Variants in SMIM27 observed in about 807,000 individuals in gnomAD.
SMIM27 encodes transition zone microprotein 1.
A neutral mutation model predicts 1.8 loss-of-function variants in SMIM27; 3 were observed. The observed-to-expected ratio is 1.65, with a 90% CI of 0.75 to 4.28. The LOEUF (loss-of-function observed/expected upper bound fraction) is 4.28. Ranked by LOEUF, SMIM27 falls within the 30% of genes most tolerant of loss-of-function variation. The pLI is 0.02. For synonymous variants in SMIM27, 19 were observed against 13.9 expected (o/e 1.37, Z -0.82); for missense variants, 63 against 37.0 (o/e 1.70, Z -1.83).
upstream of SMIM27, chr9:32,552,118 T>C: frequency 3.5e-6 from 2 of 565,156 alleles, no homozygotes; most frequent in South Asian, 4.2e-5. Flanking sequence ...CCTGCATTAA[T>C]ATTGCATTGC....
intron 1 of SMIM27, among the ~76,000 whole-genome samples, chr9:32,559,552 C>T (rs976599766): frequency 5.9e-5 from 9 of 152,264 alleles, no homozygotes; most frequent in African/African-American, 2.2e-4. Flanking sequence ...TCCTAGGAGT[C>T]CAATTCAGTC....
chr9:32,552,190 AAAGC>A (rs1160012946), upstream of SMIM27: 1 of 601,892 alleles, frequency 1.7e-6, no homozygotes, highest in Non-Finnish European at 3.0e-6. Flanking sequence ...AAAAAAAAAA[AAAGC>A]AATTTTTAAC....
chr9:32,551,909 T>C (rs1821276908), upstream of SMIM27: 2 of 351,780 alleles, frequency 5.7e-6, no homozygotes, highest in African/African-American at 2.1e-5. Flanking sequence ...TTGTCACATA[T>C]AAAAGAGTGG....
rs1821694758 is a variant in SMIM27 at position 32,563,668 on chromosome 9, C to T, written c.46-2723C>T. On this transcript the variant is annotated intron_variant, in intron 1 of 1. Transcript: ENST00000451672. ...TGTTCCTTAGCTGAATTAAATATTA[C>T]TATGATGATTCTCAAATGGTAATTT... 2.0e-5 allele frequency among the ~76,000 whole-genome samples: 3 copies of T among 152,082 alleles called. No homozygotes were observed. In the South Asian group the frequency reaches 6.2e-4, roughly 31 times the overall value.
chr9:32,551,164 A>G, upstream of SMIM27: 1 of 670,834 alleles, frequency 1.5e-6, no homozygotes, highest in African/African-American at 1.8e-5. Flanking sequence ...CAGACCCCGG[A>G]GGAGGGCAGC....
intron 1 of SMIM27, among the ~76,000 whole-genome samples, chr9:32,558,307 T>C (rs1028660390): frequency 1.3e-5 from 2 of 152,072 alleles, no homozygotes; most frequent in Non-Finnish European, 2.9e-5. Context: ...GAGACGGGGT[T>C]TCACCGTGTT....
At chr9:32,553,338 G>T, downstream of SMIM27, 1 of 168,010 alleles carries the variant, frequency 6.0e-6, no homozygotes, top group Non-Finnish European at 1.3e-5. Flanking sequence ...ACAGGAGCCC[G>T]CCACCACGCC....
chr9:32,560,943 C>A (rs1324649247), intron 1 of SMIM27, among the ~76,000 whole-genome samples: 1 of 152,154 alleles, frequency 6.6e-6, no homozygotes, highest in Non-Finnish European at 1.5e-5. Context: ...GTTCTTTCTG[C>A]ACATAAAAAT....
At chr9:32,555,571 CA>C (rs1233877850), downstream of SMIM27, among the ~76,000 whole-genome samples, 1 of 152,192 alleles carries the variant, frequency 6.6e-6, no homozygotes, top group African/African-American at 2.4e-5. Flanking sequence ...AGATGTCTAC[CA>C]AATATTTTTC....
At chr9:32,559,428 C>CAG (rs1356262770) in intron 1 of SMIM27, among the ~76,000 whole-genome samples, 2 of 152,216 alleles carry the variant, frequency 1.3e-5, no homozygotes, top group African/African-American at 4.8e-5. Context: ...CACTTCAAGG[C>CAG]AGAGTACACT....
chr9:32,553,843 G>C (rs770900307), downstream of SMIM27: 3 of 1,384,328 alleles, frequency 2.2e-6, no homozygotes, highest in Non-Finnish European at 3.1e-6. Flanking sequence ...AACAAACTTA[G>C]GCTCATAAGC....
At chr9:32,562,100 T>C (rs1380825244) in intron 1 of SMIM27, among the ~76,000 whole-genome samples, 2 of 152,230 alleles carry the variant, frequency 1.3e-5, no homozygotes, top group African/African-American at 4.8e-5. Flanking sequence ...CCTTCCATTC[T>C]AGTCAGCTCC....
upstream of SMIM27, chr9:32,552,124 A>C: frequency 1.8e-6 from 1 of 570,684 alleles, no homozygotes; most frequent in Non-Finnish European, 3.1e-6. Flanking sequence ...TTAATATTGC[A>C]TTGCAACTAG....
chr9:32,566,147 G>C (rs1030521906), intron 1 of SMIM27: 6 of 673,570 alleles, frequency 8.9e-6, no homozygotes, highest in Non-Finnish European at 1.6e-5. Flanking sequence ...GTGTGTATAT[G>C]TCACTGGCGC....
intron 1 of SMIM27, 98 bp from the exon 2 acceptor site, chr9:32,552,703 T>A (rs1821326009): frequency 1.5e-6 from 1 of 658,454 alleles, no homozygotes; most frequent in African/African-American, 1.8e-5. Context: ...TCGACTTTGT[T>A]ACTTTAATTC....
intron 1 of SMIM27, among the ~76,000 whole-genome samples, chr9:32,563,737 C>T (rs1299319568): frequency 1.3e-5 from 2 of 152,118 alleles, no homozygotes; most frequent in African/African-American, 4.8e-5. Flanking sequence ...AAAAAGCTTT[C>T]TTTTCTACCC....
chr9:32,563,054 G>C (rs1024256671), intron 1 of SMIM27, among the ~76,000 whole-genome samples: 2 of 152,104 alleles, frequency 1.3e-5, no homozygotes, highest in Non-Finnish European at 2.9e-5. Flanking sequence ...CTCAGTTTGG[G>C]TTTATCTTCT....
chr9:32,566,628 A>G (rs1821798839), exon 2 of SMIM27: 7 of 790,782 alleles, frequency 8.9e-6, no homozygotes, highest in Middle Eastern at 3.0e-4. Flanking sequence ...CTCTGCACCC[A>G]CCATGGAGGA....
exon 2 of SMIM27, chr9:32,566,798 G>A: frequency 1.1e-6 from 1 of 900,968 alleles, no homozygotes; most frequent in South Asian, 1.3e-5. Flanking sequence ...TGTACAGGAG[G>A]TCGGCCAGCA....
Sources: allele counts gnomAD v4.1 joint callset (sites outside exome capture counted in the v4.1 genomes callset), GRCh38; gene constraint gnomAD v4.1.1; transcripts MANE v1.5; gene names NCBI Gene and HGNC (gene_info 2026-07-23, HGNC 2026-07-21).